Variants in ATP6V1C2 observed in about 807,000 individuals in gnomAD.
ATP6V1C2 encodes the protein ATPase H+ transporting V1 subunit C2.
Under a neutral mutation model 56.8 loss-of-function variants are expected in ATP6V1C2, and 45 were observed. That is an observed-to-expected ratio of 0.79 (90% CI 0.62 to 1.02). The LOEUF (loss-of-function observed/expected upper bound fraction) is 1.02. Among genes scored for constraint, ATP6V1C2 ranks in the 50% least tolerant of loss-of-function variants. The pLI, the probability that ATP6V1C2 is intolerant of heterozygous loss-of-function variation, is 0.00. For missense variants in ATP6V1C2, 463 were observed against 519.7 expected, an observed-to-expected ratio of 0.89 and a Z score of 1.06; for synonymous variants, 220 against 201.3, an observed-to-expected ratio of 1.09 and a Z score of -0.79.
intron 8 of ATP6V1C2, among the ~76,000 whole-genome samples, 160 bp downstream of exon 8, chr2:10,772,770 C>T (rs890141332): frequency 1.3e-5 from 2 of 152,180 alleles, no homozygotes; most frequent in African/African-American, 4.8e-5. Context: ...CAGGGTCGCC[C>T]ACCTTGTCAC....
chr2:10,775,717 GC>G (rs1011574399), intron 10 of ATP6V1C2, among the ~76,000 whole-genome samples: 10 of 152,242 alleles, frequency 6.6e-5, no homozygotes, highest in African/African-American at 2.2e-4. Flanking sequence ...TCCCTCCACC[GC>G]TCCGGGAAGT....
At chr2:10,755,203 GT>G (rs1211099791) in intron 4 of ATP6V1C2, among the ~76,000 whole-genome samples, 8 of 152,068 alleles carry the variant, frequency 5.3e-5, no homozygotes, top group Non-Finnish European at 1.2e-4. Context: ...TGTCCAGCTA[GT>G]TTTGTATTTT....
chr2:10,725,489 A>ATTTTTTTTTTTTTTTTTTT (rs371459373), intron 2 of ATP6V1C2, among the ~76,000 whole-genome samples: 1 of 107,158 alleles, frequency 9.3e-6, no homozygotes, highest in Non-Finnish European at 1.8e-5. Flanking sequence ...CCCAGCAAGA[A>ATTTTTTTTTTTTTTTTTTT]TTTTTTTTTT....
chr2:10,777,627 C>G lies in ATP6V1C2; in HGVS notation c.868C>G (p.Pro290Ala), dbSNP rs773207024. ...TCTTAAAAAGGGATCATCCACCTTC[C>G]CGGACCACAAGGTTAAGGTAACCCC... ...VALKKGSSTF[P>A]DHKVKVTPLG... The change falls in exon 11 of 14, where the codon CCG (proline) becomes GCG (alanine). Residue 290 changes from proline to alanine, a missense_variant. Pro to Ala is a conservative substitution (Grantham distance 27, BLOSUM62 -1). Coordinates refer to ENST00000272238, the MANE Select transcript of ATP6V1C2 (RefSeq NM_001039362.2). 2.5e-6 allele frequency: 4 copies of G among 1,614,000 alleles called. No individual in the cohort carries two copies.
At chr2:10,778,378 C>G in intron 11 of ATP6V1C2, 194 bp from the exon 12 acceptor site, 1 of 591,648 alleles carries the variant, frequency 1.7e-6, no homozygotes, top group Non-Finnish European at 3.0e-6. Flanking sequence ...GCCCGCTGAG[C>G]TTCCCCGGCA....
intron 3 of ATP6V1C2, among the ~76,000 whole-genome samples, chr2:10,740,087 CAAA>C (rs70953339): frequency 9.6e-6 from 1 of 103,732 alleles, no homozygotes; most frequent in Admixed American, 1.1e-4. Flanking sequence ...GACTCCATCT[CAAA>C]AAAAAAAAAA....
At chr2:10,775,202 C>T (rs758021876) in intron 10 of ATP6V1C2, 131 bp downstream of exon 10, 61 of 721,490 alleles carry the variant, frequency 8.5e-5, no homozygotes, top group South Asian at 1.9e-4. Flanking sequence ...CCATGGGGAC[C>T]GTCTGTTCTC....
intron 3 of ATP6V1C2, among the ~76,000 whole-genome samples, chr2:10,746,657 G>A (rs995211968): frequency 9.9e-5 from 15 of 152,140 alleles, no homozygotes; most frequent in Non-Finnish European, 2.1e-4. Context: ...TGATCCACCC[G>A]CCTCGGCCTT....
chr2:10,775,756 G>C (rs1007835726), intron 10 of ATP6V1C2, among the ~76,000 whole-genome samples: 4 of 152,166 alleles, frequency 2.6e-5, no homozygotes, highest in Non-Finnish European at 4.4e-5. Context: ...AGGTTCTCCT[G>C]CTGCGATGCT....
At chr2:10,778,766 T>C in intron 12 of ATP6V1C2, 97 bp downstream of exon 12, 1 of 1,119,632 alleles carries the variant, frequency 8.9e-7, no homozygotes, top group South Asian at 1.3e-5. Context: ...CTCTCCATCC[T>C]CCACCCGTCT....
chr2:10,768,877 C>A, intron 6 of ATP6V1C2, 67 bp downstream of exon 6: 1 of 1,346,112 alleles, frequency 7.4e-7, no homozygotes, highest in South Asian at 1.2e-5. Context: ...GCTTGCCTGT[C>A]CTCTCACTGG....
chr2:10,751,537 G>T lies in ATP6V1C2; in HGVS notation c.198-2444G>T, dbSNP rs144164416. Among the ~76,000 whole-genome samples the T allele has an allele frequency of 8.8e-3, 1,342 of 152,232 alleles. 18 individuals are homozygous for T. Among genetic ancestry groups the T allele is most frequent in the African/African-American group, 0.031 (1,284 of 41,534 alleles). ...AACTACTGTTCTAAGAAATGCCATCGCACGGATGGAGATTTAATCCCAGGA... is the reference window on the plus strand; with the variant it reads ...AACTACTGTTCTAAGAAATGCCATCTCACGGATGGAGATTTAATCCCAGGA... On this transcript the variant is annotated intron_variant, in intron 3 of 13. Coordinates refer to ENST00000272238, the MANE Select transcript of ATP6V1C2 (RefSeq NM_001039362.2).
chr2:10,772,239 C>A (rs1212969318), intron 7 of ATP6V1C2, among the ~76,000 whole-genome samples: 3 of 152,184 alleles, frequency 2.0e-5, no homozygotes, highest in Non-Finnish European at 4.4e-5. Context: ...TTCCCATTGT[C>A]CTGAGGCTGG....
chr2:10,728,184 C>T lies in ATP6V1C2; in HGVS notation c.197+1615C>T, dbSNP rs148781822. ...GCAGCCTTGAACTCCTGGGCTCAAG[C>T]GATCCTCCTACCTCAGCCTCCCAAT... On this transcript the variant is annotated intron_variant, in intron 3 of 13. Coordinates refer to ENST00000272238, the MANE Select transcript of ATP6V1C2 (RefSeq NM_001039362.2). Among the ~76,000 whole-genome samples, 824 of 152,182 alleles carry T rather than the reference C, an allele frequency of 5.4e-3. 8 individuals are homozygous for T. Among genetic ancestry groups the T allele is most frequent in the African/African-American group, 0.019 (774 of 41,512 alleles).
chr2:10,772,520 T>G (rs1282480180), intron 7 of ATP6V1C2, 22 bp from the exon 8 acceptor site: 1 of 1,608,648 alleles, frequency 6.2e-7, no homozygotes, highest in Non-Finnish European at 8.5e-7. Flanking sequence ...AAAAATCACG[T>G]AACGATTCTA....
chr2:10,765,905 C>T (rs1028570188), intron 5 of ATP6V1C2, among the ~76,000 whole-genome samples: 3 of 152,172 alleles, frequency 2.0e-5, no homozygotes, highest in Admixed American at 2.0e-4. Context: ...GTCCAGAGCA[C>T]CCCTAGAGTG....
In ATP6V1C2 at chr2:10,783,529, C is replaced by T; in HGVS notation, c.*266C>T. 2.9e-6 allele frequency: 1 copy of T among 344,844 alleles called. No homozygotes were observed. Among genetic ancestry groups the T allele is most frequent in the Non-Finnish European group, 5.4e-6 (1 of 185,056 alleles). 21.4% of individuals were successfully genotyped at this position (344,844 alleles called of 1,614,324 possible). A position where few individuals can be genotyped will look rare whatever the true frequency, so the allele number is the denominator to read the frequency against. ...ACCTGTTCGCATTGGTAACCTGCTG[C>T]TGTATTTCATGTCTTAACGGCTATT... On this transcript the variant is annotated 3_prime_UTR_variant, in exon 14 of 14. Coordinates refer to ENST00000272238, the MANE Select transcript of ATP6V1C2 (RefSeq NM_001039362.2).
intron 3 of ATP6V1C2, 139 bp from the exon 4 acceptor site, chr2:10,753,842 C>T: frequency 1.4e-6 from 1 of 722,126 alleles, no homozygotes. Context: ...CCGCTATTGG[C>T]ATTTTAACCC....
chr2:10,721,400 C>T (rs187131930), upstream of ATP6V1C2, among the ~76,000 whole-genome samples: 147 of 152,220 alleles, frequency 9.7e-4, no homozygotes, highest in Non-Finnish European at 1.7e-3. Flanking sequence ...GCAGGAGACC[C>T]CGTGGGACGC....
Sources: gnomAD v4.1 joint callset for allele counts (sites outside exome capture counted in the v4.1 genomes callset) on GRCh38, gnomAD v4.1.1 for gene constraint, MANE v1.5 for transcripts, NCBI Gene and HGNC (gene_info 2026-07-23, HGNC 2026-07-21) for gene names.